PCDHGA8: variants seen among roughly 807,000 people sequenced by gnomAD.
PCDHGA8 encodes protocadherin gamma subfamily A, 8.
Under a neutral mutation model 59.2 loss-of-function variants are expected in PCDHGA8, and 45 were observed. The ratio of observed to expected loss-of-function variants is 0.76; its 90% CI spans 0.60 to 0.98. The LOEUF (loss-of-function observed/expected upper bound fraction) is 0.98. Ranked by LOEUF, PCDHGA8 falls within the 50% of genes least tolerant of loss-of-function variation. The probability of loss-of-function intolerance (pLI) is 0.00; values close to 1 mark genes in which losing one functional copy is unlikely to be tolerated. For synonymous variants in PCDHGA8, 531 were observed against 519.0 expected, an observed-to-expected ratio of 1.02 and a Z score of -0.32; for missense variants, 1,257 against 1,196.2, an observed-to-expected ratio of 1.05 and a Z score of -0.75.
chr5:141,415,740 G>GTTTTTTTTTTTTTTTT (rs57426385), intron 1 of PCDHGA8: 34 of 625,042 alleles, frequency 5.4e-5, no homozygotes, highest in African/African-American at 2.0e-4. Flanking sequence ...GTTTATTAAG[G>GTTTTTTTTTTTTTTTT]TTTTTTTTTT....
intron 1 of PCDHGA8, among the ~76,000 whole-genome samples, chr5:141,453,101 T>TTTTTG (rs879618609): frequency 3.2e-4 from 49 of 152,130 alleles, no homozygotes; most frequent in Middle Eastern, 6.8e-3. Flanking sequence ...TTCTGTTGCT[T>TTTTTG]TTTTGTTTTG....
At position 141,418,815 on chromosome 5, in the gene PCDHGA8, T is replaced by C. The variant is rs368396202; in HGVS notation, c.2424+23578T>C. The stretch of plus-strand genomic sequence containing the variant: ...GAAGTAGAAAGATATACGATAAACA[T>C]AGAAGCAAAAGACCGAGGATCTCTC... On this transcript the variant is annotated intron_variant, in intron 1 of 3. Transcript: ENST00000398604. 509 of 1,613,744 alleles carry C rather than the reference T, an allele frequency of 3.2e-4. No homozygotes were observed. The highest frequency in any genetic ancestry group is 4.1e-4 in the Non-Finnish European group (488 of 1,179,804).
Position 141,486,683 on chromosome 5 carries a change from G to T in PCDHGA8, c.2425-8124G>T. The T allele has an allele frequency of 6.2e-7, 1 of 1,614,092 alleles. No homozygotes were observed. Among genetic ancestry groups the T allele is most frequent in the Non-Finnish European group, 8.5e-7 (1 of 1,180,026 alleles). ...GGAGCCCAGGAATCGAGATGTATCA[G>T]CTTCCTCTTTCATCTCTCTGAACCC... On this transcript the variant is annotated intron_variant, in intron 1 of 3. Transcript: ENST00000398604. This position sits in a 1 kb window ranked among gnomAD's most constrained non-coding sequence, Gnocchi z 5.0.
rs760367783 is a variant in PCDHGA8 at position 141,394,819 on chromosome 5, C to T, written c.2006C>T (p.Pro669Leu). The T allele has an allele frequency of 2.5e-6, 4 of 1,613,890 alleles. No individual in the cohort carries two copies. In the South Asian group the frequency reaches 4.4e-5, roughly 18 times the overall value. Residue 669 changes from proline to leucine, a missense_variant, in exon 1 of 4, where the codon CCC becomes CTC. Transcript: ENST00000398604. ...ACCGTAGCCGTGGCTGACAGCATCCCCGAAGTCCTGACCGAGTTGGGCAGT... is the reference window on the plus strand; with the variant it reads ...ACCGTAGCCGTGGCTGACAGCATCCTCGAAGTCCTGACCGAGTTGGGCAGT... ...TLTVAVADSI[P>L]EVLTELGSLK...
Position 141,477,575 on chromosome 5 carries a change from C to T in PCDHGA8, c.2425-17232C>T. The T allele has an allele frequency of 6.2e-7, 1 of 1,614,176 alleles. No individual in the cohort carries two copies. The highest frequency in any genetic ancestry group is 8.5e-7 in the Non-Finnish European group (1 of 1,180,030). On this transcript the variant is annotated intron_variant, in intron 1 of 3. Coordinates refer to ENST00000398604, the MANE Select transcript of PCDHGA8 (RefSeq NM_032088.2). This position sits in a 1 kb window ranked among gnomAD's most constrained non-coding sequence, Gnocchi z 4.9. ...CCTAAGTGTCTGGGACCCCGACGCC[C>T]CGCAGAATGCTCGGCTTTCTTTCTT... is the stretch of plus-strand genomic sequence containing the variant.
chr5:141,449,588 CAAAAAA>C (rs768743917), intron 1 of PCDHGA8, among the ~76,000 whole-genome samples: 1 of 57,492 alleles, frequency 1.7e-5, no homozygotes, highest in Admixed American at 1.8e-4. Flanking sequence ...GACTCTGTCT[CAAAAAA>C]AAAAAAAAAA....
chr5:141,482,530 C>CAAAAAAAAAAAAAAAAAA (rs3074545), intron 1 of PCDHGA8, among the ~76,000 whole-genome samples: 1 of 76,562 alleles, frequency 1.3e-5, no homozygotes, highest in Non-Finnish European at 2.6e-5. Flanking sequence ...GACAGACATG[C>CAAAAAAAAAAAAAAAAAA]AAAAAAAAAA....
chr5:141,475,139 C>T (rs928313061), intron 1 of PCDHGA8, among the ~76,000 whole-genome samples: 2 of 151,928 alleles, frequency 1.3e-5, no homozygotes, highest in African/African-American at 4.8e-5. Flanking sequence ...TTTTTGAAAT[C>T]TTCTCCGTCT....
At chr5:141,409,972 G>A in intron 1 of PCDHGA8, 1 of 1,613,374 alleles carries the variant, frequency 6.2e-7, no homozygotes, top group South Asian at 1.1e-5. Context: ...TAGTGACTAA[G>A]GTGGTAGCGG....
In PCDHGA8 at chr5:141,485,798, C is replaced by T. The variant is rs764109672; in HGVS notation, c.2425-9009C>T. The T allele has an allele frequency of 2.0e-5, 32 of 1,614,172 alleles. No individual in the cohort carries two copies. The highest frequency in any genetic ancestry group is 1.1e-4 in the East Asian group (5 of 44,876). ...GGATCGAGAGAAGCAATCGGACTAC[C>T]GCCTGGTGCTGACTGCTGTCGATGG... is the stretch of plus-strand genomic sequence containing the variant. On this transcript the variant is annotated intron_variant, in intron 1 of 3. Coordinates refer to ENST00000398604, the MANE Select transcript of PCDHGA8 (RefSeq NM_032088.2). The surrounding 1 kb of genome is among the most constrained non-coding windows in gnomAD (Gnocchi z 5.7).
chr5:141,441,150 T>C (rs1421773650), intron 1 of PCDHGA8: 4 of 152,122 alleles, frequency 2.6e-5, no homozygotes, highest in African/African-American at 7.2e-5. Context: ...ATAATGACAA[T>C]ATCCTAGAGG....
intron 1 of PCDHGA8, chr5:141,403,145 C>T (rs749236674): frequency 2.5e-6 from 4 of 1,613,920 alleles, no homozygotes; most frequent in African/African-American, 1.3e-5. Flanking sequence ...GCGCCGAGTC[C>T]GCATCGTCTC....
intron 1 of PCDHGA8, chr5:141,428,390 C>T (rs1043799152): frequency 8.0e-5 from 40 of 502,004 alleles, no homozygotes; most frequent in African/African-American, 6.6e-4. Context: ...TCTTCCAGCC[C>T]CTCTGCCTGG....
intron 1 of PCDHGA8, chr5:141,427,300 A>G: frequency 2.2e-6 from 1 of 456,912 alleles, no homozygotes; most frequent in Non-Finnish European, 4.4e-6. Flanking sequence ...CTAGATGAGA[A>G]TGACAATGCC....
intron 1 of PCDHGA8, among the ~76,000 whole-genome samples, chr5:141,469,739 A>G (rs1352751978): frequency 1.3e-5 from 2 of 152,262 alleles, no homozygotes; most frequent in African/African-American, 4.8e-5. Flanking sequence ...TACACACCTC[A>G]AAAATTACAA....
At chr5:141,498,670 G>A (rs1266576450) in intron 2 of PCDHGA8, among the ~76,000 whole-genome samples, 1 of 152,066 alleles carries the variant, frequency 6.6e-6, no homozygotes, top group Non-Finnish European at 1.5e-5. Flanking sequence ...GGTGGCTCAC[G>A]CCTGTAATCC....
chr5:141,404,290 T>C (rs2094507318), intron 1 of PCDHGA8: 1 of 1,613,984 alleles, frequency 6.2e-7, no homozygotes, highest in South Asian at 1.1e-5. Context: ...CTGACATCAA[T>C]GATAATCCAC....
chr5:141,409,753 G>T, intron 1 of PCDHGA8: 1 of 1,613,006 alleles, frequency 6.2e-7, no homozygotes. Context: ...TGTTCGCGCA[G>T]CGCGCCTTTG....
intron 1 of PCDHGA8, among the ~76,000 whole-genome samples, chr5:141,452,803 A>G (rs1045171800): frequency 2.6e-5 from 4 of 152,186 alleles, no homozygotes; most frequent in African/African-American, 9.7e-5. Context: ...TTTTTGCTGT[A>G]GTTTGTTCAT....
Sources: allele counts gnomAD v4.1 joint callset (sites outside exome capture counted in the v4.1 genomes callset), GRCh38; gene constraint gnomAD v4.1.1; non-coding constraint Gnocchi (gnomAD v3.1); transcripts MANE v1.5; gene names NCBI Gene and HGNC (gene_info 2026-07-23, HGNC 2026-07-21).